Variants in TBCK observed in about 807,000 individuals in gnomAD.
TBCK encodes TBC1 domain containing kinase.
TBCK carries 99 observed loss-of-function variants against 113.4 expected under a neutral mutation model. That is an observed-to-expected ratio of 0.87 (90% CI 0.74 to 1.03). TBCK has a LOEUF of 1.03. Ranked by LOEUF, TBCK falls within the 50% of genes least tolerant of loss-of-function variation. TBCK has a pLI of 0.00. For missense variants in TBCK, 1,045 were observed against 1,061.3 expected (o/e 0.98, Z 0.21); for synonymous variants, 369 against 370.8 (o/e 1.00, Z 0.05).
At chr4:106,117,581 T>C (rs1743681563) in intron 23 of TBCK, among the ~76,000 whole-genome samples, 1 of 152,204 alleles carries the variant, frequency 6.6e-6, no homozygotes, top group Admixed American at 6.5e-5. Context: ...TTTACAATTA[T>C]TCTCTATGTT....
At chr4:106,114,251 G>A (rs1006759936) in intron 24 of TBCK, among the ~76,000 whole-genome samples, 2 of 152,152 alleles carry the variant, frequency 1.3e-5, no homozygotes, top group Admixed American at 6.6e-5. Flanking sequence ...CTTGGAAGGC[G>A]GGGAGGTTTT....
intron 24 of TBCK, among the ~76,000 whole-genome samples, chr4:106,112,782 C>T (rs925804584): frequency 2.6e-5 from 4 of 152,116 alleles, no homozygotes; most frequent in African/African-American, 7.2e-5. Flanking sequence ...ATCAAGCAGA[C>T]GTACAAGTTA....
At chr4:106,148,093 C>T (rs1023868535) in intron 23 of TBCK, among the ~76,000 whole-genome samples, 2 of 152,164 alleles carry the variant, frequency 1.3e-5, no homozygotes, top group Admixed American at 1.3e-4. Context: ...AAATTTTGGT[C>T]AGACCAGTTG....
At chr4:106,223,994 T>C (rs1249883827) in intron 19 of TBCK, among the ~76,000 whole-genome samples, 3 of 152,158 alleles carry the variant, frequency 2.0e-5, no homozygotes, top group Non-Finnish European at 4.4e-5. Flanking sequence ...AATCAGTATG[T>C]TATTTTTAAA....
chr4:106,220,737 A>C (rs547960526), intron 19 of TBCK, among the ~76,000 whole-genome samples: 7 of 152,314 alleles, frequency 4.6e-5, no homozygotes, highest in African/African-American at 1.7e-4. Flanking sequence ...TACAATTTAC[A>C]TCAGTTTCAA....
At chr4:106,201,206 TAATA>T (rs1442016510) in intron 20 of TBCK, among the ~76,000 whole-genome samples, 1 of 152,032 alleles carries the variant, frequency 6.6e-6, no homozygotes, top group African/African-American at 2.4e-5. Context: ...TAATTAAGAT[TAATA>T]AATAAGTAAT....
intron 24 of TBCK, among the ~76,000 whole-genome samples, chr4:106,106,118 A>G (rs185866954): frequency 1.3e-5 from 2 of 152,324 alleles, no homozygotes; most frequent in East Asian, 3.9e-4. Flanking sequence ...AGGAATGAAC[A>G]AAGCCTCTGA....
chr4:106,234,169 G>A (rs911377421), intron 15 of TBCK, among the ~76,000 whole-genome samples: 3 of 152,052 alleles, frequency 2.0e-5, no homozygotes, highest in Admixed American at 2.0e-4. Context: ...AAAGAGCCAG[G>A]AAGTAGGGTT....
chr4:106,109,698 T>C (rs750055360), intron 24 of TBCK, among the ~76,000 whole-genome samples: 1 of 152,060 alleles, frequency 6.6e-6, no homozygotes, highest in Non-Finnish European at 1.5e-5. Context: ...GGCAATACCA[T>C]CCTAAACCTA....
intron 2 of TBCK, among the ~76,000 whole-genome samples, chr4:106,298,577 T>G (rs1766569054): frequency 6.6e-6 from 1 of 151,922 alleles, no homozygotes; most frequent in African/African-American, 2.4e-5. Flanking sequence ...GCCACTGCAC[T>G]CCAGCCTGGG....
chr4:106,277,133 A>T (rs1348646102), intron 3 of TBCK, among the ~76,000 whole-genome samples: 2 of 152,194 alleles, frequency 1.3e-5, no homozygotes, highest in Non-Finnish European at 2.9e-5. Flanking sequence ...AAGTAAATCT[A>T]TAACGAAATA....
intron 2 of TBCK, 71 bp downstream of exon 2, chr4:106,308,697 T>C (rs1296850074): frequency 3.0e-6 from 4 of 1,354,072 alleles, no homozygotes; most frequent in Non-Finnish European, 4.1e-6. Flanking sequence ...ATATATTTAG[T>C]GGATATAGTA....
chr4:106,159,855 C>T (rs1749554563), intron 23 of TBCK, among the ~76,000 whole-genome samples: 1 of 152,138 alleles, frequency 6.6e-6, no homozygotes, highest in Admixed American at 6.5e-5. Context: ...AGCCAGAAGA[C>T]TCAGACTTCC....
chr4:106,136,673 C>A (rs1349670130), intron 23 of TBCK, among the ~76,000 whole-genome samples: 3 of 140,812 alleles, frequency 2.1e-5, no homozygotes, highest in African/African-American at 7.5e-5. Flanking sequence ...GTTCAGTCAG[C>A]ATCCTATTTT....
intron 25 of TBCK, among the ~76,000 whole-genome samples, chr4:106,069,093 T>C (rs959036124): frequency 2.6e-5 from 4 of 152,192 alleles, no homozygotes; most frequent in Admixed American, 6.5e-5. Flanking sequence ...ATTCTATAGG[T>C]TGCCTGTTCA....
intron 25 of TBCK, among the ~76,000 whole-genome samples, chr4:106,081,089 A>C (rs1475952062): frequency 6.6e-6 from 1 of 152,254 alleles, no homozygotes; most frequent in African/African-American, 2.4e-5. Context: ...TAGTTGAACC[A>C]TTGTGGAACT....
intron 1 of TBCK, chr4:106,315,436 A>G (rs1768701048): frequency 6.6e-6 from 1 of 152,226 alleles, no homozygotes; most frequent in Admixed American, 6.5e-5. Flanking sequence ...TATTTTATAT[A>G]TACATTCTCT....
Position 106,262,231 on chromosome 4 carries a change from G to A in TBCK, c.267-19C>T. 7.2e-7 allele frequency: 1 copy of A among 1,390,786 alleles called. No individual in the cohort carries two copies. Among genetic ancestry groups the A allele is most frequent in the African/African-American group, 1.4e-5 (1 of 69,328 alleles). The allele number at this position is 1,390,786 out of a possible 1,614,324, so 86.2% of individuals were successfully genotyped here. ...TGAACAGCTACAAAGAAAACAAAAA[G>A]TCAAAGATCAATTACAAAGCAAATA... is the stretch of plus-strand genomic sequence containing the variant. On this transcript the variant is annotated intron_variant, in intron 3 of 25. Transcript: ENST00000394708.
intron 25 of TBCK, among the ~76,000 whole-genome samples, chr4:106,078,202 C>G (rs771338426): frequency 6.6e-6 from 1 of 152,118 alleles, no homozygotes; most frequent in Non-Finnish European, 1.5e-5. Flanking sequence ...CTCAAATTAA[C>G]AATCTTGCAT....
Sources: gnomAD v4.1 joint callset for allele counts (sites outside exome capture counted in the v4.1 genomes callset) on GRCh38, gnomAD v4.1.1 for gene constraint, MANE v1.5 for transcripts, NCBI Gene and HGNC (gene_info 2026-07-23, HGNC 2026-07-21) for gene names.